PDE1C: variants seen among roughly 807,000 people sequenced by gnomAD.
PDE1C encodes phosphodiesterase 1C.
Under a neutral mutation model 93.1 loss-of-function variants are expected in PDE1C, and 62 were observed. The ratio of observed to expected loss-of-function variants is 0.67; its 90% CI spans 0.54 to 0.82. The LOEUF is 0.82. Ranked by LOEUF, PDE1C falls within the 40% of genes least tolerant of loss-of-function variation. PDE1C has a pLI of 0.00. For missense variants in PDE1C, 742 were observed against 884.6 expected, an observed-to-expected ratio of 0.84 and a Z score of 2.04; for synonymous variants, 325 against 310.1, an observed-to-expected ratio of 1.05 and a Z score of -0.50.
At chr7:32,366,792 G>C (rs891802276) in intron 1 of PDE1C, among the ~76,000 whole-genome samples, 2 of 151,790 alleles carry the variant, frequency 1.3e-5, no homozygotes, top group East Asian at 3.9e-4. Context: ...AAAGGCTGCC[G>C]GTCAGGCAGA....
At chr7:31,988,735 G>A (rs1403117889) in intron 2 of PDE1C, among the ~76,000 whole-genome samples, 1 of 152,096 alleles carries the variant, frequency 6.6e-6, no homozygotes, top group Admixed American at 6.6e-5. Context: ...AGTGGCTTAC[G>A]CCTGTAATCC....
intron 2 of PDE1C, among the ~76,000 whole-genome samples, chr7:31,897,603 C>A (rs574651120): frequency 6.6e-6 from 1 of 152,170 alleles, no homozygotes; most frequent in Admixed American, 6.5e-5. Flanking sequence ...ATCTCTCCCC[C>A]TTTTGTCTCT....
intron 1 of PDE1C, among the ~76,000 whole-genome samples, chr7:32,328,591 T>C (rs1783449930): frequency 6.6e-6 from 1 of 152,144 alleles, no homozygotes; most frequent in South Asian, 2.1e-4. Flanking sequence ...CTTCAGGATC[T>C]TTGTATGTGT....
chr7:32,111,952 A>G (rs903528263), intron 3 of PDE1C, among the ~76,000 whole-genome samples: 4 of 152,172 alleles, frequency 2.6e-5, no homozygotes, highest in African/African-American at 9.7e-5. Context: ...GTATCTTCAC[A>G]CAAAGTGAGA....
the PDE1C span, among the ~76,000 whole-genome samples, chr7:31,646,847 A>G: frequency 6.6e-6 from 1 of 152,160 alleles, no homozygotes; most frequent in Admixed American, 6.5e-5. Context: ...TATTGCCTTC[A>G]CCTTCTTTCC....
intron 3 of PDE1C, among the ~76,000 whole-genome samples, chr7:32,080,965 T>G (rs1161751487): frequency 6.6e-6 from 1 of 152,208 alleles, no homozygotes; most frequent in Non-Finnish European, 1.5e-5. Context: ...TAAACTGGCT[T>G]CTATGAGCAG....
At chr7:32,314,888 A>ACT (rs1449584972) in intron 1 of PDE1C, among the ~76,000 whole-genome samples, 1 of 151,830 alleles carries the variant, frequency 6.6e-6, no homozygotes, top group African/African-American at 2.4e-5. Context: ...TTCATCTAGA[A>ACT]CTTTTTTCCA....
intron 1 of PDE1C, among the ~76,000 whole-genome samples, chr7:32,230,425 A>G (rs12537174): frequency 0.1 from 15,971 of 152,136 alleles, 901 homozygotes; most frequent in East Asian, 0.13. Flanking sequence ...AGCCCCTTCC[A>G]GACTCCCCAA....
At chr7:31,758,329 A>G (rs1794607542) in intron 17 of PDE1C, among the ~76,000 whole-genome samples, 1 of 152,026 alleles carries the variant, frequency 6.6e-6, no homozygotes, top group Non-Finnish European at 1.5e-5. Flanking sequence ...AAAAAAAATT[A>G]TGCTACTTCT....
intron 14 of PDE1C, among the ~76,000 whole-genome samples, chr7:31,820,230 C>T (rs555436332): frequency 1.1e-4 from 16 of 151,906 alleles, no homozygotes; most frequent in Non-Finnish European, 1.9e-4. Flanking sequence ...AAGCAAATTA[C>T]AAAGAATAAC....
chr7:31,647,234 C>A, the PDE1C span, among the ~76,000 whole-genome samples: 149,110 of 152,350 alleles, frequency 0.98, 72,977 homozygotes, highest in East Asian at 1. Flanking sequence ...GGCCTGAAAA[C>A]TGTTCTGAAG....
chr7:32,191,225 C>G (rs894923409), intron 2 of PDE1C, among the ~76,000 whole-genome samples: 2 of 152,162 alleles, frequency 1.3e-5, no homozygotes, highest in African/African-American at 4.8e-5. Flanking sequence ...TGGAGATTCC[C>G]TGAACTGTTT....
At chr7:32,389,852 G>C (rs1338286830) in intron 1 of PDE1C, among the ~76,000 whole-genome samples, 1 of 152,202 alleles carries the variant, frequency 6.6e-6, no homozygotes, top group Middle Eastern at 3.4e-3. Flanking sequence ...CAAAATTTTT[G>C]AAAAACTTGT....
At position 31,837,977 on chromosome 7, in the gene PDE1C, A is replaced by G. The variant is rs1316832576; in HGVS notation, c.981-6T>C. ...TTACCAAGGTTCGAAACTCCCTTTT[A>G]GAGACAACCATGGAGAAAAAAGGAT... On this transcript the variant is annotated splice_region_variant and splice_polypyrimidine_tract_variant and intron_variant, in intron 9 of 17. Transcript: ENST00000396191. The G allele has an allele frequency of 3.8e-6, 6 of 1,583,790 alleles. No homozygotes were observed. The highest frequency in any genetic ancestry group is 5.2e-6 in the Non-Finnish European group (6 of 1,152,702).
intron 1 of PDE1C, among the ~76,000 whole-genome samples, chr7:32,257,528 T>C (rs527274814): frequency 1.3e-5 from 2 of 152,358 alleles, no homozygotes; most frequent in Admixed American, 1.3e-4. Flanking sequence ...TTTAAAATGT[T>C]GTTGTGAAAA....
intron 1 of PDE1C, among the ~76,000 whole-genome samples, chr7:32,398,636 G>C (rs568875579): frequency 6.6e-6 from 1 of 151,968 alleles, no homozygotes; most frequent in Non-Finnish European, 1.5e-5. Context: ...TGATCCTCCC[G>C]TCTCGGCCTC....
chr7:31,797,437 C>G (rs889594168), intron 16 of PDE1C, among the ~76,000 whole-genome samples: 2 of 151,702 alleles, frequency 1.3e-5, no homozygotes, highest in Non-Finnish European at 2.9e-5. Context: ...GTATAAACTG[C>G]CTCAAAATAG....
At chr7:32,092,239 G>A (rs1797513296) in intron 3 of PDE1C, among the ~76,000 whole-genome samples, 1 of 152,162 alleles carries the variant, frequency 6.6e-6, no homozygotes, top group South Asian at 2.1e-4. Context: ...TCCTTAAAGA[G>A]CATGTTTTTC....
At chr7:32,276,876 G>T (rs908836943) in intron 1 of PDE1C, among the ~76,000 whole-genome samples, 2 of 152,038 alleles carry the variant, frequency 1.3e-5, no homozygotes, top group Non-Finnish European at 2.9e-5. Context: ...CAAAATCCTG[G>T]CTTTTATGAG....
Sources: allele counts gnomAD v4.1 joint callset (sites outside exome capture counted in the v4.1 genomes callset), GRCh38; gene constraint gnomAD v4.1.1; transcripts MANE v1.5; gene names NCBI Gene and HGNC (gene_info 2026-07-23, HGNC 2026-07-21).